ERV3-1: variants seen among roughly 807,000 people sequenced by gnomAD.
ERV3-1 encodes endogenous retrovirus group 3 member 1, envelope.
Under a neutral mutation model 24.6 loss-of-function variants are expected in ERV3-1, and 36 were observed. That is an observed-to-expected ratio of 1.47 (90% CI 1.12 to 1.94). ERV3-1 has a LOEUF of 1.94. ERV3-1 is among the 30% of genes most tolerant of loss of function. ERV3-1 has a pLI of 0.00. For synonymous variants in ERV3-1, 211 were observed against 122.6 expected (o/e 1.72, Z -4.76); for missense variants, 578 against 330.9 (o/e 1.75, Z -5.79).
chr7:65,006,447 G>C, intron 1 of ERV3-1, 94 bp downstream of exon 1: 1 of 1,522,834 alleles, frequency 6.6e-7, no homozygotes, highest in Middle Eastern at 1.7e-4. Context: ...TTTGGAGCCA[G>C]CTGCGGGGAG....
At chr7:64,993,814 T>C (rs1786341632) in intron 1 of ERV3-1, among the ~76,000 whole-genome samples, 1 of 152,196 alleles carries the variant, frequency 6.6e-6, no homozygotes, top group Non-Finnish European at 1.5e-5. Context: ...AGTAGCTGTT[T>C]GAGTGTCCAG....
chr7:64,996,118 C>CT (rs997988764), intron 1 of ERV3-1, among the ~76,000 whole-genome samples: 13 of 152,190 alleles, frequency 8.5e-5, no homozygotes, highest in Non-Finnish European at 1.9e-4. Context: ...AGGTTTGGTA[C>CT]TACTGGATGT....
chr7:65,002,778 T>TA (rs752432180), intron 1 of ERV3-1, among the ~76,000 whole-genome samples: 1 of 152,242 alleles, frequency 6.6e-6, no homozygotes, highest in Non-Finnish European at 1.5e-5. Context: ...ATTTCTGATC[T>TA]AAAATCTGAT....
chr7:65,006,647 C>A lies in ERV3-1; in HGVS notation c.-495G>T, dbSNP rs1446876651. 11 of 1,527,214 alleles carry A rather than the reference C, an allele frequency of 7.2e-6. No individual in the cohort carries two copies. Among genetic ancestry groups the A allele is most frequent in the Admixed American group, 3.4e-5 (2 of 59,576 alleles). 94.6% of individuals were successfully genotyped at this position (1,527,214 alleles called of 1,614,324 possible). On this transcript the variant is annotated 5_prime_UTR_variant, in exon 1 of 2. Coordinates refer to ENST00000394323, the MANE Select transcript of ERV3-1 (RefSeq NM_001007253.4). ...GCCTCTAGGAGCAGAAGACACAGAG[C>A]AGTGAAGACTACACCAGAAGCTCCG...
At chr7:64,997,668 T>C (rs189135435) in intron 1 of ERV3-1, among the ~76,000 whole-genome samples, 18 of 152,134 alleles carry the variant, frequency 1.2e-4, no homozygotes, top group African/African-American at 3.9e-4. Flanking sequence ...TTCTGGTGCA[T>C]TGTGTTCCAG....
At chr7:65,006,392 G>A in intron 1 of ERV3-1, 149 bp downstream of exon 1, 1 of 1,310,520 alleles carries the variant, frequency 7.6e-7, no homozygotes, top group Non-Finnish European at 1.1e-6. Flanking sequence ...TGGCTGAAGG[G>A]GACTGAGGGC....
intron 1 of ERV3-1, among the ~76,000 whole-genome samples, chr7:64,994,672 C>A (rs1461125639): frequency 6.6e-6 from 1 of 152,232 alleles, no homozygotes; most frequent in East Asian, 1.9e-4. Context: ...CATTTTATTT[C>A]TTTGCCTGTG....
rs780308900 is a variant in ERV3-1 at position 64,992,924 on chromosome 7, T to C, written c.103A>G (p.Thr35Ala). The C allele has an allele frequency of 7.8e-6, 6 of 766,370 alleles. No individual in the cohort carries two copies. Among genetic ancestry groups the C allele is most frequent in the East Asian group, 4.9e-5 (2 of 41,234 alleles). 47.5% of individuals were successfully genotyped at this position (766,370 alleles called of 1,614,324 possible). ...TTAGTCATGATGTTCCCCGACCACG[T>C]AGTGTGGGTGCAGTGGAGGCATCCC... ...WEGCLHCTHTTWSGNIMTKTL... is the reference protein window; with the variant it reads ...WEGCLHCTHTAWSGNIMTKTL... The change falls in exon 2 of 2, where the codon ACG (threonine) becomes GCG (alanine). Residue 35 changes from threonine to alanine, a missense_variant. Transcript: ENST00000394323.
intron 1 of ERV3-1, among the ~76,000 whole-genome samples, chr7:64,997,208 G>A (rs896370899): frequency 4.6e-5 from 7 of 152,176 alleles, no homozygotes; most frequent in African/African-American, 1.7e-4. Context: ...TAGCAGATCG[G>A]CCTTTTTCTT....
At chr7:64,997,578 G>A (rs532297737) in intron 1 of ERV3-1, among the ~76,000 whole-genome samples, 42 of 152,110 alleles carry the variant, frequency 2.8e-4, no homozygotes, top group African/African-American at 9.9e-4. Context: ...ACTGTAATTG[G>A]GCTGCATCAT....
At chr7:64,995,070 G>A (rs1203515939) in intron 1 of ERV3-1, among the ~76,000 whole-genome samples, 3 of 152,270 alleles carry the variant, frequency 2.0e-5, no homozygotes, top group African/African-American at 7.2e-5. Context: ...GGTTAAGGGT[G>A]TTCACTGTTT....
intron 1 of ERV3-1, 85 bp downstream of exon 1, chr7:65,006,456 A>C: frequency 1.3e-6 from 2 of 1,531,470 alleles, no homozygotes; most frequent in East Asian, 4.5e-5. Flanking sequence ...AGCTGCGGGG[A>C]GGCCAGAGTC....
rs1359057723 is a variant in ERV3-1 at position 64,993,264 on chromosome 7, C to A, written c.-238G>T. The A allele has an allele frequency of 2.1e-6, 1 of 471,542 alleles. No homozygotes were observed. The highest frequency in any genetic ancestry group is 1.9e-5 in the African/African-American group (1 of 51,574). 29.2% of individuals were successfully genotyped at this position (471,542 alleles called of 1,614,324 possible). A position where few individuals can be genotyped will look rare whatever the true frequency, so the allele number is the denominator to read the frequency against. On this transcript the variant is annotated 5_prime_UTR_variant, in exon 2 of 2. Coordinates refer to ENST00000394323, the MANE Select transcript of ERV3-1 (RefSeq NM_001007253.4). ...TGGACTGGTCAGCTTCCGGAGTGAC[C>A]AGAGCAGGGCTGTTGTCATCTCACT...
rs149123461 is a variant in ERV3-1, at chr7:64,995,404, G to C, written c.-388-1990C>G. Among the ~76,000 whole-genome samples the C allele has an allele frequency of 1.2e-3, 176 of 152,340 alleles. 1 individual carries two copies. The highest frequency in any genetic ancestry group is 3.9e-3 in the Admixed American group (60 of 15,304). On this transcript the variant is annotated intron_variant, in intron 1 of 1. Transcript: ENST00000394323. ...AATTCATGGACATATAGAAAGAAAG[G>C]CTTAGTAGTATCTGGCAGTCCTAAG...
At chr7:65,005,498 C>G (rs951768202) in intron 1 of ERV3-1, among the ~76,000 whole-genome samples, 1 of 152,048 alleles carries the variant, frequency 6.6e-6, no homozygotes, top group Non-Finnish European at 1.5e-5. Context: ...AAAATGCCAG[C>G]CAATGCTTTG....
At position 64,992,677 on chromosome 7, in the gene ERV3-1, ACGACATCCTTG is replaced by A; in HGVS notation, c.339_349del (p.Lys114IlefsTer5). 1 of 766,420 alleles carries A rather than the reference ACGACATCCTTG, an allele frequency of 1.3e-6. No homozygotes were observed. Among genetic ancestry groups the A allele is most frequent in the Non-Finnish European group, 2.4e-6 (1 of 417,900 alleles). The allele number at this position is 766,420 out of a possible 1,614,324, so 47.5% of individuals were successfully genotyped here. On this transcript the variant is annotated frameshift_variant, in exon 2 of 2. Coordinates refer to ENST00000394323, the MANE Select transcript of ERV3-1 (RefSeq NM_001007253.4). LOFTEE classifies it high-confidence loss of function. Reference sequence around the variant, plus strand: ...CTGGCAAACATCAAAGTATAAGGATACGACATCCTTGCCAGAGGGAAATACCTTGGTTTGGT... The same window carrying A: ...CTGGCAAACATCAAAGTATAAGGATACCAGAGGGAAATACCTTGGTTTGGT...
intron 1 of ERV3-1, among the ~76,000 whole-genome samples, chr7:65,002,546 T>A (rs1786546992): frequency 6.6e-6 from 1 of 152,200 alleles, no homozygotes; most frequent in South Asian, 2.1e-4. Context: ...CAGGCTGGTC[T>A]CGAACTCCCG....
intron 1 of ERV3-1, among the ~76,000 whole-genome samples, chr7:64,995,580 C>T (rs866375372): frequency 6.6e-6 from 1 of 152,152 alleles, no homozygotes; most frequent in Non-Finnish European, 1.5e-5. Flanking sequence ...ATGGCAGAAC[C>T]CTGCTGCCCC....
In ERV3-1 at chr7:64,992,370, C is replaced by A; in HGVS notation, c.657G>T (p.Pro219=). 1 of 766,386 alleles carries A rather than the reference C, an allele frequency of 1.3e-6. No individual in the cohort carries two copies. Among genetic ancestry groups the A allele is most frequent in the African/African-American group, 1.7e-5 (1 of 59,222 alleles). 47.5% of individuals were successfully genotyped at this position (766,386 alleles called of 1,614,324 possible). Residue 219 remains proline, a synonymous_variant, in exon 2 of 2, where the codon CCG becomes CCT. Coordinates refer to ENST00000394323, the MANE Select transcript of ERV3-1 (RefSeq NM_001007253.4). ...QPIWTTGLKA[P]LGARVSGEEI... ...CTTCACCGCTGACTCGTGCCCCTAGCGGTGCTTTTAAACCTGTTGTCCATA... is the reference window on the plus strand; with the variant it reads ...CTTCACCGCTGACTCGTGCCCCTAGAGGTGCTTTTAAACCTGTTGTCCATA...
Sources: gnomAD v4.1 joint callset for allele counts (sites outside exome capture counted in the v4.1 genomes callset) on GRCh38, gnomAD v4.1.1 for gene constraint, MANE v1.5 for transcripts, NCBI Gene and HGNC (gene_info 2026-07-23, HGNC 2026-07-21) for gene names.